Variants in RAPGEF6 observed in about 807,000 individuals in gnomAD.
RAPGEF6 encodes Rap guanine nucleotide exchange factor 6.
In RAPGEF6, 56 loss-of-function variants were observed where a neutral mutation model predicts 171.4. The ratio of observed to expected loss-of-function variants is 0.33; its 90% CI spans 0.26 to 0.41. The LOEUF (loss-of-function observed/expected upper bound fraction) is 0.41. Among genes scored for constraint, RAPGEF6 ranks in the 10% least tolerant of loss-of-function variants. The pLI is 1.00. For missense variants in RAPGEF6, 1,674 were observed against 1,921.4 expected (o/e 0.87, Z 2.41); for synonymous variants, 692 against 650.1 (o/e 1.06, Z -0.98).
At chr5:131,561,152 G>A (rs907495754) in intron 5 of RAPGEF6, among the ~76,000 whole-genome samples, 1 of 151,794 alleles carries the variant, frequency 6.6e-6, no homozygotes, top group African/African-American at 2.4e-5. Context: ...CAACTACTTA[G>A]CTCTTTTAAG....
rs1427043788 is a variant in RAPGEF6 at position 131,635,229 on chromosome 5, T to G, written c.-199A>C. On this transcript the variant is annotated 5_prime_UTR_variant, in exon 1 of 28. Transcript: ENST00000509018. ...ACGCGCGACTGGCCGGAGACAAGTC[T>G]GCGCGGGGGCGGGGGAGAGTAAGTG... 4 of 555,574 alleles carry G rather than the reference T, an allele frequency of 7.2e-6. No homozygotes were observed. Among genetic ancestry groups the G allele is most frequent in the Middle Eastern group, 9.6e-4 (2 of 2,076 alleles). 34.4% of individuals were successfully genotyped at this position (555,574 alleles called of 1,614,324 possible).
rs147775864 is a variant in RAPGEF6, at chr5:131,431,240, G to A, written c.4084C>T (p.Arg1362Cys). ...HIIIEAADSGRGSWTSCSSSS... is the reference protein window; with the variant it reads ...HIIIEAADSGCGSWTSCSSSS... The stretch of plus-strand genomic sequence containing the variant: ...CTTGAACACGAAGTCCAACTTCCAC[G>A]ACCACTGTCAGCTGCTTCTATAATG... The change falls in exon 26 of 28, where the codon CGT (arginine) becomes TGT (cysteine). Residue 1362 changes from arginine to cysteine, a missense_variant. By Grantham distance (180) the Arg-to-Cys change is radical. Around this residue, in one of 3 missense-constraint regions of RAPGEF6, gnomAD observed 552 missense variants for 574.2 expected, o/e 0.96. Coordinates refer to ENST00000509018, the MANE Select transcript of RAPGEF6 (RefSeq NM_016340.6). 14 of 1,614,038 alleles carry A rather than the reference G, an allele frequency of 8.7e-6. No individual in the cohort carries two copies. Among genetic ancestry groups the A allele is most frequent in the Non-Finnish European group, 9.3e-6 (11 of 1,180,036 alleles).
chr5:131,431,584 G>C lies in RAPGEF6; in HGVS notation c.3975-235C>G, dbSNP rs952082663. Among the ~76,000 whole-genome samples the C allele has an allele frequency of 2.0e-5, 3 of 151,476 alleles. No homozygotes were observed. The East Asian group carries it at 5.8e-4, about 29-fold the overall frequency. On this transcript the variant is annotated intron_variant, in intron 25 of 27. Transcript: ENST00000509018. Reference sequence around the variant, plus strand: ...TCTAATGCTTAGCAAAATTTCCTTAGAATTTTTCTTTTTAAATTTTAAAAT... The same window carrying C: ...TCTAATGCTTAGCAAAATTTCCTTACAATTTTTCTTTTTAAATTTTAAAAT...
rs11305566 is a variant in RAPGEF6 at position 131,551,511 on chromosome 5, CAA to C, written c.352-3323_352-3322del. ...TGGGCGACAGAGTGAGACTCCATCT[CAA>C]AAAAAAAAAAAAAAAAAGTTAATTC... On this transcript the variant is annotated intron_variant, in intron 5 of 27. Transcript: ENST00000509018. Among the ~76,000 whole-genome samples the C allele has an allele frequency of 5.2e-3, 562 of 108,846 alleles. 4 individuals carry two copies. The highest frequency in any genetic ancestry group is 0.044 in the South Asian group (143 of 3,276). 71.4% of individuals were successfully genotyped at this position (108,846 alleles called of 152,430 possible). A position where few individuals can be genotyped will look rare whatever the true frequency, so the allele number is the denominator to read the frequency against.
intron 9 of RAPGEF6, 35 bp downstream of exon 9, chr5:131,508,036 C>T (rs766224850): frequency 6.8e-7 from 1 of 1,475,422 alleles, no homozygotes; most frequent in Non-Finnish European, 9.1e-7. Flanking sequence ...AGTTAGTATC[C>T]ATAATAAATG....
At chr5:131,612,413 C>T (rs539644654) in intron 1 of RAPGEF6, among the ~76,000 whole-genome samples, 1 of 152,012 alleles carries the variant, frequency 6.6e-6, no homozygotes, top group Admixed American at 6.6e-5. Flanking sequence ...TTAAGGTAGG[C>T]TAAGCTATGA....
intron 17 of RAPGEF6, among the ~76,000 whole-genome samples, chr5:131,469,422 AG>A (rs1203354745): frequency 6.6e-6 from 1 of 152,162 alleles, no homozygotes; most frequent in East Asian, 1.9e-4. Context: ...AAATCAATTA[AG>A]GGTTTGGGCT....
Position 131,467,768 on chromosome 5 carries a change from A to G in RAPGEF6, c.2240-3487T>C, listed in dbSNP as rs147331026. Among the ~76,000 whole-genome samples the G allele has an allele frequency of 5.3e-5, 8 of 152,360 alleles. No homozygotes were observed. In the East Asian group the frequency reaches 1.5e-3, roughly 29 times the overall value. On this transcript the variant is annotated intron_variant, in intron 17 of 27. Transcript: ENST00000509018. ...TCTTGGAAGCCAGGGGCGGTAGTTC[A>G]TGCTTATAATTCTAGCACTTTAGGG...
chr5:131,551,556 AGG>A, intron 5 of RAPGEF6, among the ~76,000 whole-genome samples: 1 of 151,802 alleles, frequency 6.6e-6, no homozygotes, highest in Non-Finnish European at 1.5e-5. Flanking sequence ...TAGGTGAATC[AGG>A]ACTCAAAACC....
chr5:131,531,973 T>A, intron 6 of RAPGEF6: 2 of 283,898 alleles, frequency 7.0e-6, no homozygotes, highest in Non-Finnish European at 1.4e-5. Context: ...AAAATGGCAA[T>A]GAGAAAGACT....
At chr5:131,471,335 C>T (rs1214023381) in intron 17 of RAPGEF6, among the ~76,000 whole-genome samples, 1 of 152,144 alleles carries the variant, frequency 6.6e-6, no homozygotes, top group African/African-American at 2.4e-5. Context: ...AGGAAGAAAC[C>T]ATGTGCAGAA....
intron 22 of RAPGEF6, among the ~76,000 whole-genome samples, chr5:131,444,972 T>C (rs1752595116): frequency 6.6e-6 from 1 of 152,262 alleles, no homozygotes; most frequent in Non-Finnish European, 1.5e-5. Context: ...AGCCAGAATG[T>C]AGAAAGCTCT....
chr5:131,503,298 G>A (rs1420097622), intron 11 of RAPGEF6, among the ~76,000 whole-genome samples: 2 of 152,204 alleles, frequency 1.3e-5, no homozygotes, highest in African/African-American at 4.8e-5. Context: ...ATTAACAGTT[G>A]AGGAATCAGT....
chr5:131,428,732 G>A (rs553326473), intron 27 of RAPGEF6, among the ~76,000 whole-genome samples, 170 bp downstream of exon 27: 1 of 152,218 alleles, frequency 6.6e-6, no homozygotes, highest in East Asian at 1.9e-4. Context: ...AAAGTGCTGG[G>A]ATTACAGGTG....
At chr5:131,515,366 G>A (rs1275436754) in intron 7 of RAPGEF6, among the ~76,000 whole-genome samples, 1 of 152,154 alleles carries the variant, frequency 6.6e-6, no homozygotes, top group African/African-American at 2.4e-5. Context: ...ACGGCAGGCA[G>A]GCAAAATCAA....
intron 1 of RAPGEF6, among the ~76,000 whole-genome samples, chr5:131,624,606 C>A (rs1023847313): frequency 6.6e-6 from 1 of 151,976 alleles, no homozygotes. Context: ...CACAGCAAGA[C>A]CTTGTCTTTA....
At chr5:131,533,077 C>T (rs531642045) in intron 6 of RAPGEF6, 2 of 152,382 alleles carry the variant, frequency 1.3e-5, no homozygotes, top group South Asian at 4.2e-4. Context: ...AAAAGGATGA[C>T]ATCACCTGTA....
rs1051440915 is a variant in RAPGEF6, at chr5:131,634,927, ACTGTGAGACGCACATAAAGGTCAAC to A, written c.69+10_69+34del. 6.2e-7 allele frequency: 1 copy of A among 1,612,122 alleles called. No individual in the cohort carries two copies. The highest frequency in any genetic ancestry group is 8.5e-7 in the Non-Finnish European group (1 of 1,178,282). On this transcript the variant is annotated intron_variant, in intron 1 of 27. Coordinates refer to ENST00000509018, the MANE Select transcript of RAPGEF6 (RefSeq NM_016340.6). ...CAGACAGGAGGATGCTGTCTACTGG[ACTGTGAGACGCACATAAAGGTCAAC>A]CAGCCTCACCTCGGGAGTCCGCTCG...
intron 3 of RAPGEF6, among the ~76,000 whole-genome samples, chr5:131,602,299 C>T (rs73264133): frequency 1.1e-4 from 16 of 152,130 alleles, no homozygotes; most frequent in African/African-American, 3.9e-4. Context: ...GCATGTTACT[C>T]TACTGAATAC....
Sources: allele counts gnomAD v4.1 joint callset (sites outside exome capture counted in the v4.1 genomes callset), GRCh38; gene constraint gnomAD v4.1.1; regional missense constraint gnomAD v4.1.1; transcripts MANE v1.5; gene names NCBI Gene and HGNC (gene_info 2026-07-23, HGNC 2026-07-21).